PDE10A: variants seen among roughly 807,000 people sequenced by gnomAD.
The protein encoded by PDE10A is cAMP and cAMP-inhibited cGMP 3',5'-cyclic phosphodiesterase 10A.
PDE10A carries 39 observed loss-of-function variants against 97.7 expected under a neutral mutation model. That is an observed-to-expected ratio of 0.40 (90% CI 0.31 to 0.52). The LOEUF (loss-of-function observed/expected upper bound fraction) is 0.52, where lower values mean the gene tolerates loss of function less well. PDE10A is among the 20% of genes least tolerant of loss of function. PDE10A has a pLI of 0.56. For missense variants in PDE10A, 731 were observed against 1,047.8 expected, an observed-to-expected ratio of 0.70 and a Z score of 4.17; for synonymous variants, 371 against 376.8, an observed-to-expected ratio of 0.98 and a Z score of 0.18.
chr6:165,439,006 T>C (rs1454839460), intron 5 of PDE10A, among the ~76,000 whole-genome samples: 3 of 151,114 alleles, frequency 2.0e-5, no homozygotes, highest in Non-Finnish European at 4.4e-5. Context: ...ATTGGTGAAG[T>C]ATCTACATGA....
chr6:165,406,427 A>G (rs1787174571), intron 13 of PDE10A, among the ~76,000 whole-genome samples: 1 of 152,190 alleles, frequency 6.6e-6, no homozygotes, highest in African/African-American at 2.4e-5. Flanking sequence ...ATAATTACAA[A>G]TTTAATTTAC....
rs181519408 is a variant in PDE10A, at chr6:165,422,956, A to T, written c.1654-4179T>A. Among the ~76,000 whole-genome samples the T allele has an allele frequency of 3.3e-5, 5 of 152,268 alleles. No homozygotes were observed. The East Asian group carries it at 9.7e-4, about 29-fold the overall frequency. On this transcript the variant is annotated intron_variant, in intron 10 of 21. Coordinates refer to ENST00000539869, the MANE Select transcript of PDE10A (RefSeq NM_001385079.1). Reference sequence around the variant, plus strand: ...GAAGAGTAAAAAAAATTAGGAAACAAATGTGCTTCATTTATTATCTTGTTG... The same window carrying T: ...GAAGAGTAAAAAAAATTAGGAAACATATGTGCTTCATTTATTATCTTGTTG...
intron 1 of PDE10A, among the ~76,000 whole-genome samples, chr6:165,795,645 G>A (rs1265702276): frequency 1.3e-5 from 2 of 152,094 alleles, no homozygotes; most frequent in Non-Finnish European, 2.9e-5. Flanking sequence ...CCAGCTACTC[G>A]GGAGGCTGAG....
chr6:165,816,260 T>G (rs1172854014), intron 1 of PDE10A, among the ~76,000 whole-genome samples: 1 of 152,226 alleles, frequency 6.6e-6, no homozygotes, highest in Non-Finnish European at 1.5e-5. Flanking sequence ...AGGCTCATAT[T>G]TTCTAAAGCT....
At position 165,413,581 on chromosome 6, in the gene PDE10A, C is replaced by T. The variant is rs771279850; in HGVS notation, c.1996G>A (p.Gly666Ser). ...TCATCTGTTTTAGAGAAGGCACTGC[C>T]ACTGATTTTGTTGACCATCTGCACC... ...GVVQMVNKIS[G>S]SAFSKTDENN... Residue 666 changes from glycine to serine, a missense_variant, in exon 13 of 22, where the codon GGC (glycine) becomes AGC (serine). By Grantham distance (56) the Gly-to-Ser change is moderately conservative. Transcript: ENST00000539869. The T allele has an allele frequency of 7.4e-6, 12 of 1,614,122 alleles. No individual in the cohort carries two copies. The highest frequency in any genetic ancestry group is 1.0e-5 in the Non-Finnish European group (12 of 1,179,974).
At chr6:165,839,941 T>C (rs1412170617) in intron 1 of PDE10A, among the ~76,000 whole-genome samples, 17 of 29,540 alleles carry the variant, frequency 5.8e-4, no homozygotes, top group East Asian at 2.2e-3. Flanking sequence ...ATTCTTATCT[T>C]CATTTCCATC....
At chr6:165,343,677 C>T (rs1317371638) in intron 18 of PDE10A, among the ~76,000 whole-genome samples, 175 bp from the exon 19 acceptor site, 3 of 152,202 alleles carry the variant, frequency 2.0e-5, no homozygotes, top group African/African-American at 7.2e-5. Context: ...TCATTTTCAT[C>T]ATAAGAACAA....
chr6:165,943,360 GAGAA>G (rs1452245142), intron 1 of PDE10A, among the ~76,000 whole-genome samples: 2 of 78,036 alleles, frequency 2.6e-5, no homozygotes, highest in Non-Finnish European at 5.5e-5. Flanking sequence ...AAGAAAGAAA[GAGAA>G]AGAAAGAAAA....
chr6:165,540,354 T>C (rs1361248291), intron 2 of PDE10A, among the ~76,000 whole-genome samples: 2 of 152,192 alleles, frequency 1.3e-5, no homozygotes, highest in East Asian at 1.9e-4. Flanking sequence ...TTTATTATTA[T>C]TTTTGACATA....
intron 18 of PDE10A, among the ~76,000 whole-genome samples, chr6:165,345,998 G>C (rs948171228): frequency 6.6e-6 from 1 of 152,190 alleles, no homozygotes; most frequent in African/African-American, 2.4e-5. Context: ...GGAACAAAAA[G>C]AAATGCCATT....
chr6:165,733,253 G>T (rs1168254810), intron 1 of PDE10A, among the ~76,000 whole-genome samples: 1 of 152,106 alleles, frequency 6.6e-6, no homozygotes, highest in African/African-American at 2.4e-5. Context: ...TGTATTAAAG[G>T]TATTCCCTGA....
chr6:165,858,408 G>C (rs1040706003), intron 1 of PDE10A, among the ~76,000 whole-genome samples: 1 of 152,174 alleles, frequency 6.6e-6, no homozygotes, highest in Admixed American at 6.5e-5. Flanking sequence ...GGAGGGAGTT[G>C]CTTCCTGGCA....
intron 1 of PDE10A, among the ~76,000 whole-genome samples, chr6:165,612,107 C>T (rs1787522134): frequency 6.6e-6 from 1 of 152,206 alleles, no homozygotes; most frequent in African/African-American, 2.4e-5. Flanking sequence ...TACAGAAGCC[C>T]ATCCATGCTA....
chr6:165,531,855 A>C lies in PDE10A; in HGVS notation c.994+11585T>G, dbSNP rs550923944. 3.7e-4 allele frequency among the ~76,000 whole-genome samples: 56 copies of C among 152,316 alleles called. 1 individual carries two copies. In the East Asian group the frequency reaches 0.011, roughly 29 times the overall value. On this transcript the variant is annotated intron_variant, in intron 2 of 21. Coordinates refer to ENST00000539869, the MANE Select transcript of PDE10A (RefSeq NM_001385079.1). ...ATCAATGTAGAACACCAACAGGCTA[A>C]TATATGAAATGGGAATTAAAAGACA... is the stretch of plus-strand genomic sequence containing the variant.
chr6:165,815,524 A>G (rs1583134590), intron 1 of PDE10A, among the ~76,000 whole-genome samples: 1 of 152,232 alleles, frequency 6.6e-6, no homozygotes, highest in East Asian at 1.9e-4. Context: ...CCTGAATACC[A>G]CCCAAGGCCT....
chr6:165,816,809 C>T (rs778850688), intron 1 of PDE10A, among the ~76,000 whole-genome samples: 1 of 151,900 alleles, frequency 6.6e-6, no homozygotes, highest in African/African-American at 2.4e-5. Context: ...AAATGGGTTC[C>T]GGAGGGGGGA....
chr6:165,447,558 A>T (rs1790957529), intron 5 of PDE10A, among the ~76,000 whole-genome samples: 2 of 152,256 alleles, frequency 1.3e-5, no homozygotes, highest in Non-Finnish European at 2.9e-5. Flanking sequence ...CAATTAAAAA[A>T]TAATGGCAAA....
intron 3 of PDE10A, among the ~76,000 whole-genome samples, chr6:165,479,083 C>T (rs1364294327): frequency 2.9e-4 from 44 of 152,192 alleles, no homozygotes; most frequent in Admixed American, 2.9e-3. Flanking sequence ...ATAGGCATGT[C>T]CTTAACCTTG....
At chr6:165,626,193 T>TA (rs779375060) in intron 1 of PDE10A, among the ~76,000 whole-genome samples, 9 of 152,320 alleles carry the variant, frequency 5.9e-5, no homozygotes, top group Middle Eastern at 3.4e-3. Flanking sequence ...CTCCCTCGCA[T>TA]AAGAAAGTCT....
Sources: allele counts gnomAD v4.1 joint callset (sites outside exome capture counted in the v4.1 genomes callset), GRCh38; gene constraint gnomAD v4.1.1; transcripts MANE v1.5; gene names NCBI Gene and HGNC (gene_info 2026-07-23, HGNC 2026-07-21).